The following CNTNAP2 variants were observed in gnomAD, a reference collection of about 807,000 sequenced individuals.
CNTNAP2 encodes the protein contactin-associated protein-like 2.
In CNTNAP2, 98 loss-of-function variants were observed where a neutral mutation model predicts 155.2. The ratio of observed to expected loss-of-function variants is 0.63; its 90% CI spans 0.54 to 0.75. CNTNAP2 has a LOEUF of 0.75. Ranked by LOEUF, CNTNAP2 falls within the 30% of genes least tolerant of loss-of-function variation. The probability of loss-of-function intolerance (pLI) is 0.00; values close to 1 mark genes in which losing one functional copy is unlikely to be tolerated. For synonymous variants in CNTNAP2, 651 were observed against 631.2 expected (o/e 1.03, Z -0.47); for missense variants, 1,727 against 1,688.1 (o/e 1.02, Z -0.40).
At chr7:147,633,617 T>C (rs986776943) in intron 12 of CNTNAP2, among the ~76,000 whole-genome samples, 1 of 152,202 alleles carries the variant, frequency 6.6e-6, no homozygotes, top group East Asian at 1.9e-4. Context: ...CATAATCCTA[T>C]GCGAGGACCA....
At chr7:146,567,021 G>A (rs1798368088) in intron 1 of CNTNAP2, among the ~76,000 whole-genome samples, 2 of 152,132 alleles carry the variant, frequency 1.3e-5, no homozygotes, top group East Asian at 3.8e-4. Context: ...ACTATAGACA[G>A]CAACCTTAGT....
intron 4 of CNTNAP2, among the ~76,000 whole-genome samples, chr7:147,079,014 G>C (rs1478363454): frequency 6.6e-6 from 1 of 152,154 alleles, no homozygotes; most frequent in African/African-American, 2.4e-5. Flanking sequence ...GCCTCCCAGA[G>C]TGCTGGGATT....
At chr7:147,575,529 G>GTGTA (rs1800382697) in intron 12 of CNTNAP2, among the ~76,000 whole-genome samples, 1 of 150,382 alleles carries the variant, frequency 6.6e-6, no homozygotes, top group African/African-American at 2.5e-5. Flanking sequence ...GTGTGTGTGT[G>GTGTA]TGTGTGTATG....
intron 9 of CNTNAP2, among the ~76,000 whole-genome samples, chr7:147,317,322 T>C (rs2692159): frequency 0.49 from 74,739 of 152,048 alleles, 19,539 homozygotes; most frequent in East Asian, 0.73. Context: ...TGACTTCCTG[T>C]TTCTCTTGTG....
In CNTNAP2 at chr7:147,760,007, T is replaced by C. The variant is rs1797275226; in HGVS notation, c.2098+120701T>C. ...GATTCTTTACTGGGTCATTTCTCTC[T>C]CTCTCTTCCTCTCCCTTCTCTTCTT... is the stretch of plus-strand genomic sequence containing the variant. On this transcript the variant is annotated intron_variant, in intron 13 of 23. Coordinates refer to ENST00000361727, the MANE Select transcript of CNTNAP2 (RefSeq NM_014141.6). Among the ~76,000 whole-genome samples, 2 of 152,144 alleles carry C rather than the reference T, an allele frequency of 1.3e-5. 1 individual carries two copies. The highest frequency in any genetic ancestry group is 4.1e-4 in the South Asian group (2 of 4,824).
chr7:148,148,031 A>G (rs1309074160), intron 17 of CNTNAP2, among the ~76,000 whole-genome samples: 1 of 146,722 alleles, frequency 6.8e-6, no homozygotes, highest in African/African-American at 2.5e-5. Context: ...AAGTTATTTG[A>G]TCATTTGGGG....
At position 148,305,565 on chromosome 7, in the gene CNTNAP2, G is replaced by A. The variant is rs375146347; in HGVS notation, c.3475+38439G>A. ...TTTAATTGACTCGCAGTTCTGCAGG[G>A]TTAACAGGAAGTCTGGCTAAGACGC... On this transcript the variant is annotated intron_variant, in intron 21 of 23. Transcript: ENST00000361727. Among the ~76,000 whole-genome samples the A allele has an allele frequency of 5.9e-5, 9 of 152,328 alleles. No individual in the cohort carries two copies. In the East Asian group the frequency reaches 1.2e-3, roughly 20 times the overall value.
intron 1 of CNTNAP2, among the ~76,000 whole-genome samples, chr7:146,619,429 G>C (rs55887406): frequency 0.034 from 5,142 of 152,120 alleles, 292 homozygotes; most frequent in African/African-American, 0.12. Flanking sequence ...AATATTAACT[G>C]CCTATATGAG....
intron 9 of CNTNAP2, among the ~76,000 whole-genome samples, chr7:147,377,754 C>CTT (rs1299157814): frequency 6.6e-6 from 1 of 151,604 alleles, no homozygotes; most frequent in Non-Finnish European, 1.5e-5. Context: ...TAAATTCTAC[C>CTT]TTTTGTTTTC....
chr7:146,128,568 A>T (rs948412217), intron 1 of CNTNAP2, among the ~76,000 whole-genome samples: 1 of 152,200 alleles, frequency 6.6e-6, no homozygotes, highest in East Asian at 1.9e-4. Flanking sequence ...ACTTTTATAG[A>T]TAGCCAACTA....
chr7:146,922,754 C>T (rs1796530948), intron 3 of CNTNAP2, among the ~76,000 whole-genome samples: 1 of 152,060 alleles, frequency 6.6e-6, no homozygotes, highest in Non-Finnish European at 1.5e-5. Flanking sequence ...TATAGGGTTT[C>T]TTTTTGAAAA....
chr7:148,266,696 A>G (rs1796676057), intron 20 of CNTNAP2, among the ~76,000 whole-genome samples: 1 of 152,212 alleles, frequency 6.6e-6, no homozygotes, highest in Admixed American at 6.5e-5. Flanking sequence ...ATTCCCTATC[A>G]GAGGCTGACA....
At chr7:147,976,759 A>T (rs1801433007) in intron 14 of CNTNAP2, among the ~76,000 whole-genome samples, 1 of 152,234 alleles carries the variant, frequency 6.6e-6, no homozygotes, top group East Asian at 1.9e-4. Flanking sequence ...GTTCCTCTCC[A>T]TTCCCTGCAC....
chr7:148,023,747 C>T (rs1041353325), intron 15 of CNTNAP2, among the ~76,000 whole-genome samples: 40 of 152,142 alleles, frequency 2.6e-4, no homozygotes, highest in African/African-American at 8.4e-4. Context: ...GTCCCTGGGA[C>T]TTCCTTTAAA....
intron 1 of CNTNAP2, among the ~76,000 whole-genome samples, chr7:146,255,196 A>G (rs980833133): frequency 3.3e-5 from 5 of 152,226 alleles, no homozygotes; most frequent in Non-Finnish European, 5.9e-5. Flanking sequence ...TGTTATTGCC[A>G]AAAGAGCTGA....
At chr7:147,154,657 G>A (rs1166612148) in intron 8 of CNTNAP2, among the ~76,000 whole-genome samples, 2 of 152,074 alleles carry the variant, frequency 1.3e-5, no homozygotes, top group African/African-American at 2.4e-5. Flanking sequence ...AAATTGAAAT[G>A]AAATGCACAT....
At chr7:147,711,130 C>T (rs944726815) in intron 13 of CNTNAP2, among the ~76,000 whole-genome samples, 3 of 152,096 alleles carry the variant, frequency 2.0e-5, no homozygotes, top group Non-Finnish European at 4.4e-5. Flanking sequence ...ATCTTGGTAG[C>T]CTTACTTTGA....
At chr7:147,990,897 C>T (rs1194648176) in intron 15 of CNTNAP2, among the ~76,000 whole-genome samples, 1 of 152,058 alleles carries the variant, frequency 6.6e-6, no homozygotes, top group African/African-American at 2.4e-5. Flanking sequence ...CCCCCTTTTC[C>T]CCTCCTCCCT....
At chr7:147,814,961 A>T (rs1798242064) in intron 13 of CNTNAP2, among the ~76,000 whole-genome samples, 1 of 152,218 alleles carries the variant, frequency 6.6e-6, no homozygotes, top group Non-Finnish European at 1.5e-5. Flanking sequence ...TGAACAAAAT[A>T]ATATAGCTGA....
Sources: gnomAD v4.1 joint callset for allele counts (sites outside exome capture counted in the v4.1 genomes callset) on GRCh38, gnomAD v4.1.1 for gene constraint, MANE v1.5 for transcripts, NCBI Gene and HGNC (gene_info 2026-07-23, HGNC 2026-07-21) for gene names.